The following DNER variants were observed in gnomAD, a reference collection of about 807,000 sequenced individuals.
DNER encodes delta and Notch-like epidermal growth factor-related receptor.
In DNER, 33 loss-of-function variants were observed where a neutral mutation model predicts 78.2. That is an observed-to-expected ratio of 0.42 (90% confidence interval 0.32 to 0.56). The LOEUF is 0.56. DNER is among the 20% of genes least tolerant of loss of function. DNER has a pLI of 0.11. For synonymous variants in DNER, 417 were observed against 384.8 expected (o/e 1.08, Z -0.98); for missense variants, 918 against 975.3 (o/e 0.94, Z 0.78).
At chr2:229,672,582 GGAGA>G (rs910169835) in intron 1 of DNER, among the ~76,000 whole-genome samples, 5 of 151,264 alleles carry the variant, frequency 3.3e-5, no homozygotes, top group African/African-American at 9.7e-5. Flanking sequence ...AGAGAAGAAA[GGAGA>G]GAGAGAGGAA....
chr2:229,515,640 TTTTTTTA>T (rs1300890251), intron 5 of DNER, among the ~76,000 whole-genome samples: 9 of 48,758 alleles, frequency 1.8e-4, no homozygotes, highest in African/African-American at 4.3e-4. Context: ...GTTAGCTTTA[TTTTTTTA>T]TTTTTTTTTT....
intron 4 of DNER, among the ~76,000 whole-genome samples, chr2:229,553,046 C>T (rs751645487): frequency 3.3e-5 from 5 of 152,184 alleles, no homozygotes; most frequent in Non-Finnish European, 7.3e-5. Context: ...CAGGCCATCG[C>T]ATCCTAGAGG....
At chr2:229,596,430 C>A (rs75699572) in intron 1 of DNER, among the ~76,000 whole-genome samples, 2,383 of 152,346 alleles carry the variant, frequency 0.016, 32 homozygotes, top group Middle Eastern at 0.031. Context: ...CCAGCACAAC[C>A]TGCAGCCTCA....
chr2:229,393,445 AT>A (rs1467499852), intron 10 of DNER, among the ~76,000 whole-genome samples: 19 of 152,092 alleles, frequency 1.2e-4, no homozygotes, highest in African/African-American at 4.3e-4. Context: ...AAAAATAAAA[AT>A]AAAAAAATAG....
At chr2:229,543,697 C>T (rs1358112555) in intron 5 of DNER, among the ~76,000 whole-genome samples, 1 of 151,972 alleles carries the variant, frequency 6.6e-6, no homozygotes, top group Non-Finnish European at 1.5e-5. Flanking sequence ...CCCTCCTCCA[C>T]CCCCTGCCAG....
intron 1 of DNER, among the ~76,000 whole-genome samples, chr2:229,672,328 G>A (rs1240687993): frequency 2.6e-5 from 4 of 152,078 alleles, no homozygotes; most frequent in Non-Finnish European, 4.4e-5. Flanking sequence ...CTCCAGCCTG[G>A]CAGCCTCAGA....
chr2:229,676,974 G>A (rs776551327), intron 1 of DNER, among the ~76,000 whole-genome samples: 17 of 152,092 alleles, frequency 1.1e-4, no homozygotes, highest in Non-Finnish European at 1.9e-4. Flanking sequence ...ACAAAACCTC[G>A]ATGCCGGCTC....
At chr2:229,426,685 C>G (rs1029085827) in intron 8 of DNER, among the ~76,000 whole-genome samples, 1 of 152,042 alleles carries the variant, frequency 6.6e-6, no homozygotes, top group African/African-American at 2.4e-5. Flanking sequence ...TCTCTTGTTG[C>G]TGGCAGGTTC....
intron 4 of DNER, among the ~76,000 whole-genome samples, chr2:229,579,543 G>A (rs956777660): frequency 6.6e-6 from 1 of 152,144 alleles, no homozygotes; most frequent in African/African-American, 2.4e-5. Context: ...GTAGCTTTAA[G>A]CGGTGCTCTA....
At chr2:229,680,570 G>A (rs1699369530) in intron 1 of DNER, among the ~76,000 whole-genome samples, 1 of 152,150 alleles carries the variant, frequency 6.6e-6, no homozygotes. Flanking sequence ...TCTCAACACT[G>A]GAATGTCCAA....
chr2:229,474,284 T>C (rs1694987443), intron 7 of DNER, among the ~76,000 whole-genome samples: 1 of 152,154 alleles, frequency 6.6e-6, no homozygotes, highest in Non-Finnish European at 1.5e-5. Context: ...ACTGTAAGGA[T>C]AGGCCAGTGG....
chr2:229,380,817 C>T (rs953630175), intron 11 of DNER, among the ~76,000 whole-genome samples: 5 of 151,962 alleles, frequency 3.3e-5, no homozygotes, highest in East Asian at 1.9e-4. Context: ...CCCAGCTACT[C>T]GGGAAGCTGA....
At chr2:229,640,084 G>GT (rs1194792123) in intron 1 of DNER, among the ~76,000 whole-genome samples, 3 of 152,190 alleles carry the variant, frequency 2.0e-5, no homozygotes, top group Non-Finnish European at 4.4e-5. Flanking sequence ...GCTTACAGGA[G>GT]TACTTGTCCT....
chr2:229,705,783 T>C (rs1699817558), intron 1 of DNER, among the ~76,000 whole-genome samples: 1 of 152,222 alleles, frequency 6.6e-6, no homozygotes, highest in African/African-American at 2.4e-5. Context: ...TTATTCACTT[T>C]CATCTTTCCA....
intron 7 of DNER, among the ~76,000 whole-genome samples, chr2:229,472,525 T>C (rs116473353): frequency 5.3e-4 from 80 of 152,346 alleles, no homozygotes; most frequent in Middle Eastern, 3.4e-3. Context: ...TATTTATACA[T>C]GTATCTAAAT....
chr2:229,387,863 CTGTGTGTGTG>C lies in DNER; in HGVS notation c.1855+392_1855+401del, dbSNP rs34029070. 1.2e-3 allele frequency among the ~76,000 whole-genome samples: 143 copies of C among 120,652 alleles called. 3 individuals are homozygous for C. Among genetic ancestry groups the C allele is most frequent in the African/African-American group, 3.2e-3 (112 of 34,988 alleles). The allele number at this position is 120,652 out of a possible 152,430, so 79.2% of individuals were successfully genotyped here. Reference sequence around the variant, plus strand: ...CATAAATAAAAAGGTAATTTGCATTCTGTGTGTGTGTGTGTGTGTGTGTGTGTGTTTTTTA... The same window carrying C: ...CATAAATAAAAAGGTAATTTGCATTCTGTGTGTGTGTGTGTGTGTTTTTTA... On this transcript the variant is annotated intron_variant, in intron 11 of 12. Transcript: ENST00000341772.
At chr2:229,657,525 T>G (rs1459072698) in intron 1 of DNER, among the ~76,000 whole-genome samples, 1 of 152,188 alleles carries the variant, frequency 6.6e-6, no homozygotes, top group Non-Finnish European at 1.5e-5. Context: ...CAACACTACA[T>G]GACATAAGTA....
At chr2:229,406,920 C>T (rs1333042165) in intron 10 of DNER, among the ~76,000 whole-genome samples, 1 of 152,190 alleles carries the variant, frequency 6.6e-6, no homozygotes, top group Non-Finnish European at 1.5e-5. Context: ...TTTATTAACC[C>T]ATCACCTTTC....
At chr2:229,609,426 A>G (rs551357266) in intron 1 of DNER, among the ~76,000 whole-genome samples, 1 of 152,164 alleles carries the variant, frequency 6.6e-6, no homozygotes, top group Non-Finnish European at 1.5e-5. Context: ...ATTCCAAATA[A>G]TCATGTAAAT....
Sources: gnomAD v4.1 joint callset for allele counts (sites outside exome capture counted in the v4.1 genomes callset) on GRCh38, gnomAD v4.1.1 for gene constraint, MANE v1.5 for transcripts, NCBI Gene and HGNC (gene_info 2026-07-23, HGNC 2026-07-21) for gene names.